The following ACKR2 variants were observed in gnomAD, a reference collection of about 807,000 sequenced individuals.
ACKR2 encodes C-C chemokine receptor D6.
For synonymous variants in ACKR2, 207 were observed against 192.2 expected (o/e 1.08, Z -0.64); for missense variants, 457 against 477.3 (o/e 0.96, Z 0.40).
intron 2 of ACKR2, among the ~76,000 whole-genome samples, chr3:42,831,326 A>T (rs1700929828): frequency 2.0e-5 from 3 of 152,318 alleles, no homozygotes; most frequent in Middle Eastern, 3.4e-3. Context: ...CCTTTAAAGG[A>T]GGTGTACCTT....
intron 2 of ACKR2, among the ~76,000 whole-genome samples, chr3:42,857,742 A>C (rs2125622859): frequency 6.6e-6 from 1 of 152,380 alleles, no homozygotes; most frequent in East Asian, 1.9e-4. Context: ...AATATTTAAA[A>C]ATTCTCAAAA....
intron 2 of ACKR2, among the ~76,000 whole-genome samples, chr3:42,827,378 A>G (rs2125607103): frequency 6.6e-6 from 1 of 152,292 alleles, no homozygotes; most frequent in South Asian, 2.1e-4. Context: ...AACACCTATA[A>G]CTGTATTATA....
At chr3:42,843,765 T>C (rs2125614877) in intron 2 of ACKR2, among the ~76,000 whole-genome samples, 1 of 152,360 alleles carries the variant, frequency 6.6e-6, no homozygotes, top group Admixed American at 6.5e-5. Context: ...TTGAGTTCTT[T>C]AGGAGAGAGG....
chr3:42,813,831 T>G (rs1575372125), intron 1 of ACKR2, among the ~76,000 whole-genome samples: 1 of 152,322 alleles, frequency 6.6e-6, no homozygotes, highest in East Asian at 1.9e-4. Context: ...TTTTTCAAGC[T>G]CTGTTGAGGA....
At chr3:42,819,851 C>G (rs1700792305) in intron 2 of ACKR2, 140 bp downstream of exon 2, 1 of 152,382 alleles carries the variant, frequency 6.6e-6, no homozygotes, top group South Asian at 2.1e-4. Context: ...CAGAGCCCCC[C>G]TTTCTCCTCC....
chr3:42,829,652 TA>T (rs1483159025), intron 2 of ACKR2, among the ~76,000 whole-genome samples: 1 of 152,174 alleles, frequency 6.6e-6, no homozygotes, highest in African/African-American at 2.4e-5. Flanking sequence ...CCCTGTGGCC[TA>T]AAGAGGATTG....
intron 2 of ACKR2, among the ~76,000 whole-genome samples, chr3:42,820,655 T>A (rs929469487): frequency 2.7e-5 from 4 of 146,298 alleles, no homozygotes; most frequent in Middle Eastern, 3.5e-3. Context: ...TAGCCACCAA[T>A]GTCCTTGTGT....
At chr3:42,816,189 CGTGTGTGTGTGTGTGT>C (rs56332875) in intron 1 of ACKR2, among the ~76,000 whole-genome samples, 2 of 145,858 alleles carry the variant, frequency 1.4e-5, no homozygotes, top group Non-Finnish European at 3.0e-5. Context: ...TTGATAGTTT[CGTGTGTGTGTGTGTGT>C]GTGTGTGTGT....
At chr3:42,825,865 G>GT (rs71072740) in intron 2 of ACKR2, among the ~76,000 whole-genome samples, 41,694 of 134,464 alleles carry the variant, frequency 0.31, 7,264 homozygotes, top group East Asian at 0.66. Context: ...TTTTTTTTTT[G>GT]TTTTTTTTTT....
chr3:42,813,140 A>G (rs1700713169), intron 1 of ACKR2, among the ~76,000 whole-genome samples: 1 of 152,170 alleles, frequency 6.6e-6, no homozygotes, highest in African/African-American at 2.4e-5. Context: ...GGCCTTTGGG[A>G]CAAAATATGA....
chr3:42,859,534 A>G (rs1042804480), intron 2 of ACKR2, among the ~76,000 whole-genome samples: 1 of 152,008 alleles, frequency 6.6e-6, no homozygotes, highest in Non-Finnish European at 1.5e-5. Context: ...GCCCGCCACC[A>G]TGCCCAGCTA....
chr3:42,853,602 C>T (rs967032301), intron 2 of ACKR2, among the ~76,000 whole-genome samples: 2 of 152,110 alleles, frequency 1.3e-5, no homozygotes, highest in African/African-American at 2.4e-5. Flanking sequence ...TGTAACCTAG[C>T]ATTTAAGAGC....
chr3:42,865,191 A>G lies in ACKR2; in HGVS notation c.689A>G (p.Tyr230Cys). The change falls in exon 3 of 3, where the codon TAC becomes TGC. Residue 230 changes from tyrosine (Y) to cysteine (C), a missense_variant. Transcript: ENST00000422265. ...CCACTCCTTGCCATGATCTTCTTCT[A>G]CTCCCGTATTGGTTGTGTCTTGGTG... ...LLPLLAMIFF[Y>C]SRIGCVLVRL... 1 of 1,613,084 alleles carries G rather than the reference A, an allele frequency of 6.2e-7. No individual in the cohort carries two copies. The highest frequency in any genetic ancestry group is 1.3e-5 in the African/African-American group (1 of 74,624).
intron 2 of ACKR2, chr3:42,839,287 G>A (rs143775015): frequency 1.3e-5 from 2 of 152,014 alleles, no homozygotes; most frequent in Non-Finnish European, 2.9e-5. Flanking sequence ...TACGTGAGTA[G>A]TAACTCTTTT....
intron 2 of ACKR2, among the ~76,000 whole-genome samples, chr3:42,821,750 G>A: frequency 6.6e-6 from 1 of 151,820 alleles, no homozygotes. Context: ...AGGCTGGAGT[G>A]CAGTGGCGCT....
chr3:42,837,940 C>T (rs1701001370), intron 2 of ACKR2, among the ~76,000 whole-genome samples: 1 of 152,098 alleles, frequency 6.6e-6, no homozygotes, highest in African/African-American at 2.4e-5. Flanking sequence ...AAATATGACC[C>T]TCTTTATGTA....
At position 42,856,465 on chromosome 3, in the gene ACKR2, AGTCTGCCTG is replaced by A; in HGVS notation, c.-37-8000_-37-7992del. ...GGACCCGAGTCAACATTTCTTTCGA[AGTCTGCCTG>A]AAAAAAGGGGATAAAACTTTTATCA... On this transcript the variant is annotated intron_variant, in intron 2 of 2. Transcript: ENST00000422265. 3 of 698,140 alleles carry A rather than the reference AGTCTGCCTG, an allele frequency of 4.3e-6. No individual in the cohort carries two copies. The Admixed American group carries it at 6.1e-5, about 14-fold the overall frequency. 43.2% of individuals were successfully genotyped at this position (698,140 alleles called of 1,614,324 possible).
intron 2 of ACKR2, among the ~76,000 whole-genome samples, chr3:42,857,449 C>T (rs1018807551): frequency 2.0e-5 from 3 of 152,076 alleles, no homozygotes; most frequent in African/African-American, 4.8e-5. Flanking sequence ...AATTTAGGCT[C>T]GCATTTATTG....
intron 2 of ACKR2, among the ~76,000 whole-genome samples, chr3:42,832,834 C>T (rs1700944796): frequency 6.6e-6 from 1 of 152,150 alleles, no homozygotes; most frequent in Non-Finnish European, 1.5e-5. Context: ...GCTGGGACTA[C>T]AGGCACATGC....
Sources: allele counts gnomAD v4.1 joint callset (sites outside exome capture counted in the v4.1 genomes callset), GRCh38; gene constraint gnomAD v4.1.1; transcripts MANE v1.5; gene names NCBI Gene and HGNC (gene_info 2026-07-23, HGNC 2026-07-21).